The following RGS3 variants were observed in gnomAD, a reference collection of about 807,000 sequenced individuals.
The protein encoded by RGS3 is regulator of G-protein signalling 3.
A neutral mutation model predicts 132.6 loss-of-function variants in RGS3; 80 were observed. That is an observed-to-expected ratio of 0.60 (90% CI 0.50 to 0.73). The LOEUF (loss-of-function observed/expected upper bound fraction) is 0.73. RGS3 is among the 30% of genes least tolerant of loss of function. The probability of loss-of-function intolerance (pLI) is 0.00; values close to 1 mark genes in which losing one functional copy is unlikely to be tolerated. For missense variants in RGS3, 1,382 were observed against 1,530.8 expected, an observed-to-expected ratio of 0.90 and a Z score of 1.62; for synonymous variants, 598 against 620.6, an observed-to-expected ratio of 0.96 and a Z score of 0.54.
exon 5 of RGS3, chr9:113,483,097 A>G: frequency 6.2e-7 from 1 of 1,612,952 alleles, no homozygotes; most frequent in South Asian, 1.1e-5. Flanking sequence ...ACAGCCTGGC[A>G]CCTGTGATCC....
At chr9:113,555,001 G>A (rs751991782) in intron 19 of RGS3, among the ~76,000 whole-genome samples, 1 of 152,050 alleles carries the variant, frequency 6.6e-6, no homozygotes, top group Non-Finnish European at 1.5e-5. Context: ...GTGTCAGATG[G>A]AACTCTTATT....
intron 19 of RGS3, chr9:113,581,972 C>A: frequency 1.0e-6 from 1 of 964,398 alleles, no homozygotes; most frequent in Non-Finnish European, 1.2e-6. Context: ...TGCCCAGCCA[C>A]CTTCTCTGCT....
exon 22 of RGS3, chr9:113,594,446 A>T (rs1157883594): frequency 6.2e-7 from 1 of 1,613,786 alleles, no homozygotes. Context: ...GGACATGAAG[A>T]ACAAGCTGGG....
chr9:113,557,494 C>A (rs1213829181), intron 19 of RGS3, among the ~76,000 whole-genome samples: 1 of 152,196 alleles, frequency 6.6e-6, no homozygotes, highest in Admixed American at 6.5e-5. Context: ...ATATGCCTCT[C>A]CCTGGAGTGG....
At chr9:113,496,162 C>T (rs925117308) in intron 8 of RGS3, among the ~76,000 whole-genome samples, 4 of 152,164 alleles carry the variant, frequency 2.6e-5, no homozygotes, top group South Asian at 2.1e-4. Flanking sequence ...CACTCCTGGG[C>T]CTGCCCCAGA....
chr9:113,474,031 G>A (rs1588141265), intron 3 of RGS3, among the ~76,000 whole-genome samples: 4 of 152,132 alleles, frequency 2.6e-5, no homozygotes, highest in Admixed American at 2.6e-4. Flanking sequence ...TGCCCAGGAC[G>A]GACCTAGAAT....
intron 3 of RGS3, among the ~76,000 whole-genome samples, chr9:113,476,105 C>A (rs564094950): frequency 2.5e-3 from 378 of 152,158 alleles, no homozygotes; most frequent in African/African-American, 8.0e-3. Flanking sequence ...CTCAGCTAAC[C>A]TCTTGGTTTC....
intron 19 of RGS3, among the ~76,000 whole-genome samples, chr9:113,574,524 A>G (rs1021100182): frequency 1.3e-5 from 2 of 152,126 alleles, no homozygotes; most frequent in African/African-American, 4.8e-5. Flanking sequence ...CTCTGTAGGT[A>G]TTTGCTGAGT....
intron 21 of RGS3, chr9:113,594,011 C>CA (rs1564624555): frequency 6.2e-7 from 1 of 1,613,098 alleles, no homozygotes; most frequent in South Asian, 1.1e-5. Flanking sequence ...ATGCCCCTTT[C>CA]ACGGCTCCCT....
chr9:113,469,957 C>G (rs1564455241), intron 3 of RGS3, among the ~76,000 whole-genome samples: 1 of 150,212 alleles, frequency 6.7e-6, no homozygotes, highest in African/African-American at 2.5e-5. Flanking sequence ...TGTCACCAGG[C>G]TGGAGTGCAG....
At chr9:113,444,829 G>A (rs1173569094) in exon 1 of RGS3, 1 of 152,182 alleles carries the variant, frequency 6.6e-6, no homozygotes, top group South Asian at 2.1e-4. Flanking sequence ...TAGACTGAAA[G>A]GAAGGACACG....
intron 20 of RGS3, among the ~76,000 whole-genome samples, chr9:113,585,324 G>A (rs1439510786): frequency 6.6e-6 from 1 of 152,240 alleles, no homozygotes; most frequent in Non-Finnish European, 1.5e-5. Flanking sequence ...TGAAAAGTAG[G>A]GGTTAATAGC....
chr9:113,574,985 G>T (rs970698804), intron 19 of RGS3, among the ~76,000 whole-genome samples: 1 of 152,196 alleles, frequency 6.6e-6, no homozygotes, highest in Non-Finnish European at 1.5e-5. Context: ...GTTTGGGGTG[G>T]TGGGTGGGGA....
intron 1 of RGS3, among the ~76,000 whole-genome samples, chr9:113,450,836 A>G (rs1022783140): frequency 2.0e-5 from 3 of 152,116 alleles, no homozygotes; most frequent in Admixed American, 2.0e-4. Context: ...GAGGAAGACA[A>G]TGGTGACTGC....
chr9:113,502,226 C>T (rs1185275242), intron 10 of RGS3, among the ~76,000 whole-genome samples: 1 of 152,178 alleles, frequency 6.6e-6, no homozygotes, highest in Non-Finnish European at 1.5e-5. Context: ...ATTAGCTCCC[C>T]TGAGCCTCTT....
chr9:113,498,025 A>T lies in RGS3; in HGVS notation c.842A>T (p.Asp281Val), dbSNP rs1830742412. The T allele has an allele frequency of 2.5e-6, 4 of 1,613,546 alleles. No homozygotes were observed. The highest frequency in any genetic ancestry group is 2.7e-5 in the African/African-American group (2 of 74,790). The change falls in exon 10 of 25, where the codon GAC becomes GTC. Residue 281 changes from aspartate to valine, a missense_variant and splice_region_variant. Asp to Val is a radical substitution (Grantham distance 152). Coordinates refer to ENST00000350696, the Ensembl canonical transcript of RGS3. ...CTGATTCTGCTCTGTCACCTTCCAG[A>T]CCCGCTGCTGAGAATGCCAGGAGGT...
At chr9:113,533,233 GTT>G (rs796998306) in intron 18 of RGS3, among the ~76,000 whole-genome samples, 6 of 139,594 alleles carry the variant, frequency 4.3e-5, no homozygotes, top group Admixed American at 7.2e-5. Flanking sequence ...GGAAAATTCT[GTT>G]TTTTTTTTTT....
chr9:113,517,465 C>A, intron 15 of RGS3, 76 bp from the exon 14 acceptor site: 1 of 1,231,118 alleles, frequency 8.1e-7, no homozygotes, highest in Non-Finnish European at 1.2e-6. Context: ...CTGGCTTTGA[C>A]AAGCTGCTGC....
chr9:113,520,824 AT>A (rs1831917359), intron 16 of RGS3, among the ~76,000 whole-genome samples: 1 of 151,784 alleles, frequency 6.6e-6, no homozygotes, highest in Non-Finnish European at 1.5e-5. Flanking sequence ...CATTATTATT[AT>A]CATTATTATT....
Sources: allele counts gnomAD v4.1 joint callset (sites outside exome capture counted in the v4.1 genomes callset), GRCh38; gene constraint gnomAD v4.1.1; transcripts MANE v1.5; gene names NCBI Gene and HGNC (gene_info 2026-07-23, HGNC 2026-07-21).